The following ARHGAP18 variants were observed in gnomAD, a reference collection of about 807,000 sequenced individuals.
ARHGAP18 encodes Rho GTPase activating protein 18.
A neutral mutation model predicts 86.2 loss-of-function variants in ARHGAP18; 67 were observed. That is an observed-to-expected ratio of 0.78 (90% confidence interval 0.64 to 0.95). The LOEUF is 0.95. Ranked by LOEUF, ARHGAP18 falls within the 40% of genes least tolerant of loss-of-function variation. ARHGAP18 has a pLI of 0.00. For synonymous variants in ARHGAP18, 283 were observed against 280.4 expected (o/e 1.01, Z -0.09); for missense variants, 691 against 780.4 (o/e 0.89, Z 1.37).
intron 1 of ARHGAP18, among the ~76,000 whole-genome samples, chr6:129,647,497 T>G (rs1270241440): frequency 2.6e-5 from 4 of 152,210 alleles, no homozygotes; most frequent in African/African-American, 4.8e-5. Flanking sequence ...TCCTAGCACC[T>G]GTTTTGTTTT....
chr6:129,681,521 T>C (rs775165103), intron 1 of ARHGAP18, among the ~76,000 whole-genome samples: 2 of 152,218 alleles, frequency 1.3e-5, no homozygotes, highest in Non-Finnish European at 1.5e-5. Flanking sequence ...CAGATCTGAA[T>C]TAGTATACAA....
At chr6:129,659,171 C>G (rs1234896360) in intron 1 of ARHGAP18, among the ~76,000 whole-genome samples, 3 of 152,148 alleles carry the variant, frequency 2.0e-5, no homozygotes, top group African/African-American at 7.2e-5. Flanking sequence ...AAATTTGGAG[C>G]AGACAGTCCA....
intron 1 of ARHGAP18, among the ~76,000 whole-genome samples, chr6:129,675,409 A>C (rs1466811675): frequency 6.7e-6 from 1 of 149,572 alleles, no homozygotes; most frequent in African/African-American, 2.5e-5. Flanking sequence ...AAAGAGGTTG[A>C]GTGGCAATAG....
intron 4 of ARHGAP18, among the ~76,000 whole-genome samples, 190 bp downstream of exon 4, chr6:129,633,852 A>C (rs1773269209): frequency 6.6e-6 from 1 of 152,216 alleles, no homozygotes; most frequent in Non-Finnish European, 1.5e-5. Context: ...AGAAAATAGG[A>C]ATACACATTA....
Position 129,648,012 on chromosome 6 carries a change from C to T in ARHGAP18, c.114-5994G>A, listed in dbSNP as rs372440382. On this transcript the variant is annotated intron_variant, in intron 1 of 14. Transcript: ENST00000368149. ...CATCAATCTTTCTGAGTTTGTATTGCGTATAGCCAAGGCAAAAGTAATCTT... is the reference window on the plus strand; with the variant it reads ...CATCAATCTTTCTGAGTTTGTATTGTGTATAGCCAAGGCAAAAGTAATCTT... Among the ~76,000 whole-genome samples the T allele has an allele frequency of 2.1e-4, 32 of 152,142 alleles. No homozygotes were observed. In the East Asian group the frequency reaches 5.0e-3, roughly 24 times the overall value.
intron 4 of ARHGAP18, among the ~76,000 whole-genome samples, chr6:129,631,437 T>C (rs1011855199): frequency 1.3e-5 from 2 of 151,072 alleles, no homozygotes; most frequent in African/African-American, 2.4e-5. Context: ...AAATAGAAAA[T>C]CAAGTTGAAG....
chr6:129,659,244 G>A (rs1033271209), intron 1 of ARHGAP18, among the ~76,000 whole-genome samples: 3 of 152,212 alleles, frequency 2.0e-5, no homozygotes, highest in African/African-American at 7.2e-5. Flanking sequence ...TAGAATGAAT[G>A]AGGCAGTAGG....
chr6:129,626,105 C>CACACACATATATAT (rs1425322925), intron 5 of ARHGAP18, among the ~76,000 whole-genome samples: 4 of 124,878 alleles, frequency 3.2e-5, no homozygotes, highest in Non-Finnish European at 4.9e-5. Context: ...CACACACACA[C>CACACACATATATAT]ATATATAGAA....
chr6:129,653,411 C>T (rs1242157654), intron 1 of ARHGAP18, among the ~76,000 whole-genome samples: 1 of 152,212 alleles, frequency 6.6e-6, no homozygotes, highest in Non-Finnish European at 1.5e-5. Context: ...TCAAAATCAA[C>T]TTCAAACATT....
At chr6:129,674,371 T>C (rs1010399364) in intron 1 of ARHGAP18, among the ~76,000 whole-genome samples, 5 of 152,224 alleles carry the variant, frequency 3.3e-5, no homozygotes, top group African/African-American at 1.2e-4. Context: ...GTTTAAACTT[T>C]AAAATTCTAT....
intron 1 of ARHGAP18, among the ~76,000 whole-genome samples, chr6:129,697,219 G>A (rs1169867518): frequency 6.6e-6 from 1 of 152,124 alleles, no homozygotes; most frequent in African/African-American, 2.4e-5. Flanking sequence ...GCCAAACAAA[G>A]GTGTACATGA....
At chr6:129,633,772 G>A (rs75097697) in intron 4 of ARHGAP18, among the ~76,000 whole-genome samples, 3,339 of 152,056 alleles carry the variant, frequency 0.022, 135 homozygotes, top group African/African-American at 0.076. Flanking sequence ...TATTAAATGA[G>A]GTAAACATCT....
At chr6:129,640,104 A>G (rs9483050) in intron 2 of ARHGAP18, among the ~76,000 whole-genome samples, 32,627 of 149,660 alleles carry the variant, frequency 0.22, 3,762 homozygotes, top group Middle Eastern at 0.25. Flanking sequence ...CTTTTAAAGT[A>G]GAACTCAGTA....
At chr6:129,600,006 T>G (rs1040712041) in intron 11 of ARHGAP18, among the ~76,000 whole-genome samples, 5 of 152,186 alleles carry the variant, frequency 3.3e-5, no homozygotes, top group African/African-American at 1.2e-4. Flanking sequence ...TTATGGATTA[T>G]AAAAATAAAG....
At chr6:129,676,761 C>A (rs903896250) in intron 1 of ARHGAP18, among the ~76,000 whole-genome samples, 1 of 152,042 alleles carries the variant, frequency 6.6e-6, no homozygotes, top group Non-Finnish European at 1.5e-5. Flanking sequence ...ACCGCTCCAA[C>A]CTGCATTTCC....
At chr6:129,654,799 T>C (rs994329470) in intron 1 of ARHGAP18, among the ~76,000 whole-genome samples, 2 of 152,152 alleles carry the variant, frequency 1.3e-5, no homozygotes, top group African/African-American at 4.8e-5. Flanking sequence ...TATAAAGAAA[T>C]GATCCAAGTT....
rs563607090 is a variant in ARHGAP18 at position 129,674,290 on chromosome 6, T to C, written c.114-32272A>G. On this transcript the variant is annotated intron_variant, in intron 1 of 14. Transcript: ENST00000368149. ...TGGTTCCATCATTAATTGTGAAATC[T>C]TGAATGTCACTTAATCTTTCTGGCC... Among the ~76,000 whole-genome samples the C allele has an allele frequency of 3.3e-5, 5 of 152,330 alleles. No individual in the cohort carries two copies. In the East Asian group the frequency reaches 9.6e-4, roughly 29 times the overall value.
At chr6:129,682,845 A>G (rs1774346651) in intron 1 of ARHGAP18, among the ~76,000 whole-genome samples, 1 of 152,212 alleles carries the variant, frequency 6.6e-6, no homozygotes, top group South Asian at 2.1e-4. Flanking sequence ...AATTTTTTTG[A>G]GAAAACTGCA....
At chr6:129,611,012 T>C (rs1228848712) in intron 8 of ARHGAP18, among the ~76,000 whole-genome samples, 1 of 152,116 alleles carries the variant, frequency 6.6e-6, no homozygotes, top group Admixed American at 6.5e-5. Context: ...TCCTCTCCAC[T>C]CAGCTTCCTG....
Sources: gnomAD v4.1 joint callset for allele counts (sites outside exome capture counted in the v4.1 genomes callset) on GRCh38, gnomAD v4.1.1 for gene constraint, MANE v1.5 for transcripts, NCBI Gene and HGNC (gene_info 2026-07-23, HGNC 2026-07-21) for gene names.